Variants in MARCHF1 observed in about 807,000 individuals in gnomAD.
The protein encoded by MARCHF1 is E3 ubiquitin-protein ligase MARCHF1.
A neutral mutation model predicts 54.2 loss-of-function variants in MARCHF1; 40 were observed. The observed-to-expected ratio is 0.74, with a 90% CI of 0.57 to 0.96. MARCHF1 has a LOEUF of 0.96. Among genes scored for constraint, MARCHF1 ranks in the 40% least tolerant of loss-of-function variants. The pLI is 0.00. For missense variants in MARCHF1, 586 were observed against 656.5 expected (o/e 0.89, Z 1.17); for synonymous variants, 236 against 236.3 (o/e 1.00, Z 0.01).
chr4:164,008,641 T>C (rs887129768), intron 2 of MARCHF1, among the ~76,000 whole-genome samples: 4 of 152,104 alleles, frequency 2.6e-5, no homozygotes, highest in African/African-American at 9.6e-5. Flanking sequence ...CTATCTTTTC[T>C]GACCACAATG....
intron 5 of MARCHF1, among the ~76,000 whole-genome samples, chr4:163,685,933 T>A (rs991423956): frequency 2.6e-5 from 4 of 152,170 alleles, no homozygotes; most frequent in African/African-American, 9.7e-5. Flanking sequence ...AGCACCTGGT[T>A]AAATATGCAG....
At chr4:163,777,866 A>G (rs1267993667) in intron 4 of MARCHF1, among the ~76,000 whole-genome samples, 2 of 152,196 alleles carry the variant, frequency 1.3e-5, no homozygotes, top group Non-Finnish European at 2.9e-5. Context: ...CAACACAATA[A>G]TGATTCAGAA....
intron 1 of MARCHF1, among the ~76,000 whole-genome samples, chr4:164,131,443 G>A (rs1227735792): frequency 6.6e-6 from 1 of 152,116 alleles, no homozygotes; most frequent in Non-Finnish European, 1.5e-5. Context: ...TCCCATAATT[G>A]TAGACCTAAT....
At chr4:164,333,420 A>G (rs1219485182) in intron 1 of MARCHF1, among the ~76,000 whole-genome samples, 2 of 152,162 alleles carry the variant, frequency 1.3e-5, no homozygotes, top group Non-Finnish European at 2.9e-5. Context: ...TCTCTTTACC[A>G]CATTATGCTA....
intron 2 of MARCHF1, among the ~76,000 whole-genome samples, chr4:164,047,619 T>A (rs1004103919): frequency 1.3e-5 from 2 of 152,188 alleles, no homozygotes. Flanking sequence ...GTCTTCTCAT[T>A]TTTTTGTTTT....
chr4:163,991,879 G>T (rs1752972941), intron 2 of MARCHF1, among the ~76,000 whole-genome samples: 1 of 151,744 alleles, frequency 6.6e-6, no homozygotes. Flanking sequence ...CCCACCTCTG[G>T]CTCCAAAATT....
At chr4:164,284,407 G>A (rs955217249) in intron 1 of MARCHF1, among the ~76,000 whole-genome samples, 2 of 150,330 alleles carry the variant, frequency 1.3e-5, no homozygotes, top group African/African-American at 4.9e-5. Flanking sequence ...TAGAAAAATT[G>A]TACAGGAAAT....
chr4:163,821,815 G>A (rs1748700681), intron 4 of MARCHF1, among the ~76,000 whole-genome samples: 1 of 149,464 alleles, frequency 6.7e-6, no homozygotes, highest in Non-Finnish European at 1.5e-5. Flanking sequence ...TTGTAAAAGA[G>A]AGCTCAGAGA....
chr4:164,199,681 CAGAG>C (rs70952609), intron 1 of MARCHF1, among the ~76,000 whole-genome samples: 694 of 47,552 alleles, frequency 0.015, 7 homozygotes, highest in African/African-American at 0.024. Context: ...CACACACACA[CAGAG>C]AGAGAGAGAG....
intron 7 of MARCHF1, among the ~76,000 whole-genome samples, chr4:163,593,852 A>T (rs1303062286): frequency 2.0e-5 from 3 of 152,220 alleles, no homozygotes; most frequent in Admixed American, 2.0e-4. Context: ...GTGAAGAATG[A>T]TCAACTTTTA....
chr4:163,926,009 A>T (rs1751529267), intron 3 of MARCHF1, among the ~76,000 whole-genome samples: 1 of 151,716 alleles, frequency 6.6e-6, no homozygotes, highest in Non-Finnish European at 1.5e-5. Context: ...CAAGTAACTA[A>T]GTTATATATA....
Position 164,223,002 on chromosome 4 carries a change from A to G in MARCHF1, c.-322-111340T>C, listed in dbSNP as rs142231834. 9.5e-3 allele frequency among the ~76,000 whole-genome samples: 1,447 copies of G among 152,132 alleles called. 43 individuals carry two copies. The highest frequency in any genetic ancestry group is 0.042 in the East Asian group (217 of 5,178). On this transcript the variant is annotated intron_variant, in intron 1 of 9. Coordinates refer to ENST00000514618, the MANE Select transcript of MARCHF1 (RefSeq NM_001394959.1). Reference sequence around the variant, plus strand: ...GAAAAGGGACTTCTTAAACGGCAGCAGGGAAGGGAGCTTGTGCAGGGGAAC... The same window carrying G: ...GAAAAGGGACTTCTTAAACGGCAGCGGGGAAGGGAGCTTGTGCAGGGGAAC...
At chr4:164,072,497 G>T (rs1033274016) in intron 2 of MARCHF1, among the ~76,000 whole-genome samples, 1 of 152,030 alleles carries the variant, frequency 6.6e-6, no homozygotes, top group African/African-American at 2.4e-5. Flanking sequence ...GGAGTTTAAG[G>T]CTGCAGTGAG....
chr4:163,640,233 G>A (rs960629182), intron 5 of MARCHF1, among the ~76,000 whole-genome samples: 1 of 152,038 alleles, frequency 6.6e-6, no homozygotes, highest in Non-Finnish European at 1.5e-5. Flanking sequence ...AGAAAAAGCT[G>A]GACATCAGAT....
intron 1 of MARCHF1, among the ~76,000 whole-genome samples, chr4:164,352,657 A>C (rs1416185126): frequency 2.7e-5 from 4 of 150,736 alleles, no homozygotes; most frequent in Non-Finnish European, 5.9e-5. Flanking sequence ...CTGCAAAATC[A>C]TGCCAAAATG....
At position 163,772,281 on chromosome 4, in the gene MARCHF1, G is replaced by C. The variant is rs1747183835; in HGVS notation, c.112-71418C>G. The stretch of plus-strand genomic sequence containing the variant: ...GCTGAAGACAGGGAATAATGTAATG[G>C]AAAAGATTCCTTAGAAAAGATAAGA... On this transcript the variant is annotated intron_variant, in intron 4 of 9. Transcript: ENST00000514618. Among the ~76,000 whole-genome samples, 6 of 152,152 alleles carry C rather than the reference G, an allele frequency of 3.9e-5. No individual in the cohort carries two copies. The South Asian group carries it at 1.2e-3, about 32-fold the overall frequency.
chr4:164,272,624 A>G (rs1733770177), intron 1 of MARCHF1, among the ~76,000 whole-genome samples: 1 of 151,960 alleles, frequency 6.6e-6, no homozygotes, highest in South Asian at 2.1e-4. Flanking sequence ...AAAATTAATG[A>G]AAGGATAAAA....
rs1423212756 is a variant in MARCHF1 at position 163,684,297 on chromosome 4, T to C, written c.162+16516A>G. Among the ~76,000 whole-genome samples the C allele has an allele frequency of 2.0e-5, 3 of 152,142 alleles. No individual in the cohort carries two copies. The East Asian group carries it at 5.8e-4, about 29-fold the overall frequency. ...TTGGTGTAGCAAGTAAAAGGAGCTC[T>C]AGAAAAATCATGAAATATCAACTGG... On this transcript the variant is annotated intron_variant, in intron 5 of 9. Coordinates refer to ENST00000514618, the MANE Select transcript of MARCHF1 (RefSeq NM_001394959.1).
At chr4:164,051,761 T>A (rs1361083318) in intron 2 of MARCHF1, among the ~76,000 whole-genome samples, 1 of 152,186 alleles carries the variant, frequency 6.6e-6, no homozygotes, top group East Asian at 1.9e-4. Context: ...CTGTTATGCA[T>A]GAAGGAAAGG....
Sources: allele counts gnomAD v4.1 joint callset (sites outside exome capture counted in the v4.1 genomes callset), GRCh38; gene constraint gnomAD v4.1.1; transcripts MANE v1.5; gene names NCBI Gene and HGNC (gene_info 2026-07-23, HGNC 2026-07-21).